The following TOM1L2 variants were observed in gnomAD, a reference collection of about 807,000 sequenced individuals.
TOM1L2 encodes target of myb1 like 2 membrane trafficking protein.
A neutral mutation model predicts 67.9 loss-of-function variants in TOM1L2; 31 were observed. The ratio of observed to expected loss-of-function variants is 0.46; its 90% CI spans 0.34 to 0.62. TOM1L2 has a LOEUF of 0.62. Ranked by LOEUF, TOM1L2 falls within the 20% of genes least tolerant of loss-of-function variation. The pLI, the probability that TOM1L2 is intolerant of heterozygous loss-of-function variation, is 0.01. For synonymous variants in TOM1L2, 256 were observed against 254.0 expected, an observed-to-expected ratio of 1.01 and a Z score of -0.07; for missense variants, 606 against 663.5, an observed-to-expected ratio of 0.91 and a Z score of 0.95.
At chr17:17,955,607 G>A (rs952383291) in intron 1 of TOM1L2, among the ~76,000 whole-genome samples, 2 of 152,112 alleles carry the variant, frequency 1.3e-5, no homozygotes, top group Admixed American at 6.5e-5. Flanking sequence ...CCAAAGTGCT[G>A]GGATTACAGG....
intron 2 of TOM1L2, among the ~76,000 whole-genome samples, chr17:17,901,648 C>G (rs902257287): frequency 6.6e-6 from 1 of 152,238 alleles, no homozygotes; most frequent in East Asian, 1.9e-4. Flanking sequence ...TGAACATGCC[C>G]TCCCCATTAT....
chr17:17,903,257 C>T (rs964091321), intron 2 of TOM1L2, among the ~76,000 whole-genome samples: 12 of 152,166 alleles, frequency 7.9e-5, no homozygotes, highest in Non-Finnish European at 1.8e-4. Flanking sequence ...AGACTTCATT[C>T]ATTTATTCAC....
intron 2 of TOM1L2, among the ~76,000 whole-genome samples, chr17:17,906,769 G>A (rs1385430022): frequency 6.6e-6 from 1 of 152,250 alleles, no homozygotes; most frequent in Admixed American, 6.5e-5. Flanking sequence ...GGATGCCTGA[G>A]TCCCAGCTGC....
intron 7 of TOM1L2, among the ~76,000 whole-genome samples, chr17:17,872,285 G>A (rs976087490): frequency 2.0e-5 from 3 of 152,212 alleles, no homozygotes; most frequent in Non-Finnish European, 4.4e-5. Flanking sequence ...CATAGATCAC[G>A]TGAAGGATTC....
chr17:17,918,425 G>A (rs2144578812), intron 1 of TOM1L2, among the ~76,000 whole-genome samples: 1 of 152,198 alleles, frequency 6.6e-6, no homozygotes, highest in Admixed American at 6.5e-5. Context: ...GTGGTGAAAG[G>A]CAGCATCGTT....
At chr17:17,933,085 G>A (rs1041710138) in intron 1 of TOM1L2, among the ~76,000 whole-genome samples, 1 of 152,180 alleles carries the variant, frequency 6.6e-6, no homozygotes, top group African/African-American at 2.4e-5. Flanking sequence ...GAAGCAGGCA[G>A]TATAGAGCTG....
chr17:17,909,138 G>A (rs1214500645), intron 1 of TOM1L2, among the ~76,000 whole-genome samples: 1 of 152,190 alleles, frequency 6.6e-6, no homozygotes, highest in Non-Finnish European at 1.5e-5. Flanking sequence ...CCAAGTTCAT[G>A]TCACTGCATT....
At chr17:17,885,924 CAAAAAAAAAAAA>C (rs35579807) in intron 4 of TOM1L2, among the ~76,000 whole-genome samples, 1 of 66,244 alleles carries the variant, frequency 1.5e-5, no homozygotes, top group African/African-American at 5.7e-5. Context: ...GACTCCGTCT[CAAAAAAAAAAAA>C]AAAAAAAAAA....
chr17:17,909,521 T>C (rs557668128), intron 1 of TOM1L2, among the ~76,000 whole-genome samples: 5 of 136,422 alleles, frequency 3.7e-5, no homozygotes, highest in Non-Finnish European at 7.6e-5. Flanking sequence ...TGATTCTACT[T>C]ACAATCAGGT....
chr17:17,929,735 T>C (rs1027375015), intron 1 of TOM1L2, among the ~76,000 whole-genome samples: 16 of 152,230 alleles, frequency 1.1e-4, no homozygotes, highest in African/African-American at 3.6e-4. Context: ...TACATTCCCT[T>C]TGAAAATCTG....
intron 6 of TOM1L2, among the ~76,000 whole-genome samples, chr17:17,881,940 G>A (rs551079172): frequency 2.0e-5 from 3 of 152,280 alleles, no homozygotes; most frequent in Non-Finnish European, 2.9e-5. Flanking sequence ...ATAAGGATTT[G>A]GTAAATATAA....
intron 1 of TOM1L2, among the ~76,000 whole-genome samples, chr17:17,956,683 C>T (rs555486076): frequency 6.6e-6 from 1 of 152,336 alleles, no homozygotes; most frequent in South Asian, 2.1e-4. Flanking sequence ...ACAGCACTGG[C>T]GGGCCGGCAC....
At chr17:17,902,584 G>C (rs1042185313) in intron 2 of TOM1L2, among the ~76,000 whole-genome samples, 2 of 152,216 alleles carry the variant, frequency 1.3e-5, no homozygotes, top group Non-Finnish European at 2.9e-5. Flanking sequence ...GGTAGGGGGC[G>C]CTGCTTGTGA....
intron 1 of TOM1L2, among the ~76,000 whole-genome samples, chr17:17,965,927 C>T (rs2041857600): frequency 6.6e-6 from 1 of 152,058 alleles, no homozygotes; most frequent in African/African-American, 2.4e-5. Context: ...TTGAGACCAA[C>T]GTGGTCAACA....
intron 12 of TOM1L2, among the ~76,000 whole-genome samples, chr17:17,860,227 C>T (rs561888302): frequency 1.3e-5 from 2 of 152,380 alleles, no homozygotes; most frequent in Admixed American, 6.5e-5. Context: ...CTCTAATGCC[C>T]ACGCTGGGGC....
intron 11 of TOM1L2, 51 bp from the exon 12 acceptor site, chr17:17,861,602 T>G (rs758404280): frequency 2.4e-5 from 37 of 1,536,570 alleles, no homozygotes; most frequent in Admixed American, 3.3e-5. Flanking sequence ...CCAGTGGTCA[T>G]GGAGGGATGG....
chr17:17,958,064 T>C (rs898869035), intron 1 of TOM1L2, among the ~76,000 whole-genome samples: 5 of 148,856 alleles, frequency 3.4e-5, no homozygotes, highest in African/African-American at 1.2e-4. Flanking sequence ...CACTCCAGCC[T>C]GGGCAACAGA....
intron 7 of TOM1L2, chr17:17,872,003 C>G (rs1488516801): frequency 2.0e-6 from 2 of 985,376 alleles, no homozygotes; most frequent in Non-Finnish European, 2.4e-6. Context: ...CCAGGCCAGG[C>G]AGGAGAGGGG....
At chr17:17,850,679 A>G (rs1598170834) in intron 13 of TOM1L2, among the ~76,000 whole-genome samples, 1 of 152,100 alleles carries the variant, frequency 6.6e-6, no homozygotes, top group Non-Finnish European at 1.5e-5. Context: ...TGCCCCCAGC[A>G]CAGTTGGCCT....
Sources: gnomAD v4.1 joint callset for allele counts (sites outside exome capture counted in the v4.1 genomes callset) on GRCh38, gnomAD v4.1.1 for gene constraint, MANE v1.5 for transcripts, NCBI Gene and HGNC (gene_info 2026-07-23, HGNC 2026-07-21) for gene names.